Variants in KLHL1 observed in about 807,000 individuals in gnomAD.
KLHL1 encodes the protein kelch-like protein 1.
KLHL1 carries 47 observed loss-of-function variants against 77.7 expected under a neutral mutation model. The observed-to-expected ratio is 0.60, with a 90% CI of 0.48 to 0.77. The LOEUF (loss-of-function observed/expected upper bound fraction) is 0.77. Among genes scored for constraint, KLHL1 ranks in the 30% least tolerant of loss-of-function variants. The pLI is 0.00. For missense variants in KLHL1, 925 were observed against 910.8 expected, an observed-to-expected ratio of 1.02 and a Z score of -0.20; for synonymous variants, 360 against 325.2, an observed-to-expected ratio of 1.11 and a Z score of -1.15.
intron 1 of KLHL1, among the ~76,000 whole-genome samples, chr13:70,080,944 T>C (rs1207471980): frequency 6.6e-6 from 1 of 152,218 alleles, no homozygotes; most frequent in Non-Finnish European, 1.5e-5. Context: ...CTTTGGAATA[T>C]AGCAGCTTAA....
chr13:69,739,954 T>C (rs952162497), intron 8 of KLHL1, among the ~76,000 whole-genome samples: 8 of 152,086 alleles, frequency 5.3e-5, no homozygotes, highest in African/African-American at 1.9e-4. Flanking sequence ...CACTCTGAAA[T>C]GCACAGGACA....
At chr13:69,939,340 CATATATATATATATATATATATATAT>C (rs34074889) in intron 4 of KLHL1, among the ~76,000 whole-genome samples, 3 of 60,846 alleles carry the variant, frequency 4.9e-5, no homozygotes, top group Non-Finnish European at 9.1e-5. Flanking sequence ...CATATACATA[CATATATATATATATATATATATATAT>C]ATATATATAT....
At chr13:70,057,280 G>A (rs1227899295) in intron 1 of KLHL1, among the ~76,000 whole-genome samples, 2 of 151,760 alleles carry the variant, frequency 1.3e-5, no homozygotes, top group Non-Finnish European at 2.9e-5. Context: ...ATGAGATTGG[G>A]GCTGTAATAA....
At chr13:69,912,204 T>C (rs1449861687) in intron 4 of KLHL1, among the ~76,000 whole-genome samples, 4 of 152,182 alleles carry the variant, frequency 2.6e-5, no homozygotes, top group Non-Finnish European at 5.9e-5. Context: ...AGCTTCTGTT[T>C]GCCATGTCAA....
intron 7 of KLHL1, among the ~76,000 whole-genome samples, chr13:69,761,416 G>T (rs184716154): frequency 5.1e-4 from 78 of 152,266 alleles, no homozygotes; most frequent in African/African-American, 1.9e-3. Flanking sequence ...TTAGGTTACA[G>T]TTTACTAGGT....
chr13:70,034,312 T>C (rs751795161), intron 1 of KLHL1, among the ~76,000 whole-genome samples: 13 of 152,222 alleles, frequency 8.5e-5, no homozygotes, highest in Non-Finnish European at 1.5e-4. Context: ...CTATTGAATG[T>C]GATTTGAAAA....
At chr13:69,738,599 T>C (rs896267026) in intron 8 of KLHL1, among the ~76,000 whole-genome samples, 2 of 151,888 alleles carry the variant, frequency 1.3e-5, no homozygotes, top group Non-Finnish European at 2.9e-5. Flanking sequence ...AACTTTACAA[T>C]GCAAACACAA....
At chr13:70,067,084 C>A (rs1887026521) in intron 1 of KLHL1, among the ~76,000 whole-genome samples, 1 of 152,272 alleles carries the variant, frequency 6.6e-6, no homozygotes, top group Non-Finnish European at 1.5e-5. Flanking sequence ...CCGCAAGATT[C>A]AGCTTTATAA....
At chr13:69,871,511 A>G (rs1288970451) in intron 5 of KLHL1, among the ~76,000 whole-genome samples, 2 of 152,130 alleles carry the variant, frequency 1.3e-5, no homozygotes, top group East Asian at 3.9e-4. Context: ...ACCAGGCTCA[A>G]ATTTTCCAAA....
At chr13:70,105,719 G>A (rs1888037905) in intron 1 of KLHL1, among the ~76,000 whole-genome samples, 1 of 150,862 alleles carries the variant, frequency 6.6e-6, no homozygotes, top group African/African-American at 2.4e-5. Flanking sequence ...TAAAATTATA[G>A]GTAACTAGCA....
intron 4 of KLHL1, among the ~76,000 whole-genome samples, chr13:69,929,329 T>C (rs1882920151): frequency 6.6e-6 from 1 of 152,012 alleles, no homozygotes; most frequent in Non-Finnish European, 1.5e-5. Context: ...AAGTAGGTAT[T>C]GAAATCTCAA....
intron 1 of KLHL1, among the ~76,000 whole-genome samples, chr13:70,090,197 TA>T (rs1887639941): frequency 1.3e-5 from 2 of 152,070 alleles, no homozygotes; most frequent in South Asian, 4.1e-4. Flanking sequence ...GCAATGTAAC[TA>T]AATACAGAAG....
At chr13:69,920,481 A>G (rs1882596610) in intron 4 of KLHL1, among the ~76,000 whole-genome samples, 3 of 152,166 alleles carry the variant, frequency 2.0e-5, no homozygotes, top group African/African-American at 7.2e-5. Context: ...TACTTAACAC[A>G]TATCAGAAAA....
intron 4 of KLHL1, among the ~76,000 whole-genome samples, chr13:69,889,255 T>A (rs1343728218): frequency 6.6e-6 from 1 of 152,036 alleles, no homozygotes; most frequent in African/African-American, 2.4e-5. Context: ...TTGCCTGAAT[T>A]TTTAATCCCT....
rs542998300 is a variant in KLHL1 at position 69,817,511 on chromosome 13, C to T, written c.1415-20549G>A. On this transcript the variant is annotated intron_variant, in intron 6 of 10. Coordinates refer to ENST00000377844, the MANE Select transcript of KLHL1 (RefSeq NM_020866.3). ...TTACTCATTTTAAAATGCAAGATTACATTAGTGCCACATTAGGTGACTTCT... is the reference window on the plus strand; with the variant it reads ...TTACTCATTTTAAAATGCAAGATTATATTAGTGCCACATTAGGTGACTTCT... Among the ~76,000 whole-genome samples, 93 of 152,354 alleles carry T rather than the reference C, an allele frequency of 6.1e-4. 1 individual carries two copies. In the South Asian group the frequency reaches 0.019, roughly 31 times the overall value.
chr13:69,990,293 A>G (rs992369421), intron 1 of KLHL1, among the ~76,000 whole-genome samples: 4 of 151,514 alleles, frequency 2.6e-5, no homozygotes, highest in African/African-American at 9.7e-5. Flanking sequence ...TAACAACACA[A>G]TGCCTGGATA....
chr13:69,900,802 G>C (rs1434354470), intron 4 of KLHL1, among the ~76,000 whole-genome samples: 1 of 152,172 alleles, frequency 6.6e-6, no homozygotes. Flanking sequence ...CACATGGCCT[G>C]TTTAGAAGGC....
chr13:70,095,330 C>A (rs1252959531), intron 1 of KLHL1, among the ~76,000 whole-genome samples: 2 of 152,044 alleles, frequency 1.3e-5, no homozygotes, highest in Admixed American at 6.6e-5. Context: ...CTATTTAGAT[C>A]CTTAGGACTA....
At chr13:69,734,406 A>T (rs747012801) in intron 8 of KLHL1, among the ~76,000 whole-genome samples, 1 of 152,176 alleles carries the variant, frequency 6.6e-6, no homozygotes, top group Non-Finnish European at 1.5e-5. Flanking sequence ...GTATTTCTTT[A>T]TAGCAATGTG....
Sources: gnomAD v4.1 joint callset for allele counts (sites outside exome capture counted in the v4.1 genomes callset) on GRCh38, gnomAD v4.1.1 for gene constraint, MANE v1.5 for transcripts, NCBI Gene and HGNC (gene_info 2026-07-23, HGNC 2026-07-21) for gene names.